The following NXPE2 variants were observed in gnomAD, a reference collection of about 807,000 sequenced individuals.
NXPE2 encodes the protein neurexophilin and PC-esterase domain family member 2, also known as NXPE family member 2.
In NXPE2, 34 loss-of-function variants were observed where a neutral mutation model predicts 34.4. That is an observed-to-expected ratio of 0.99 (90% confidence interval 0.75 to 1.31). The LOEUF (loss-of-function observed/expected upper bound fraction) is 1.31, where lower values mean the gene tolerates loss of function less well. Among genes scored for constraint, NXPE2 ranks in the 40% most tolerant of loss-of-function variants. The probability of loss-of-function intolerance (pLI) is 0.00; values close to 1 mark genes in which losing one functional copy is unlikely to be tolerated. For synonymous variants in NXPE2, 235 were observed against 231.3 expected (o/e 1.02, Z -0.15); for missense variants, 649 against 672.5 (o/e 0.97, Z 0.39).
At chr11:114,638,729 C>T in the NXPE2 span, among the ~76,000 whole-genome samples, 1 of 152,044 alleles carries the variant, frequency 6.6e-6, no homozygotes, top group Non-Finnish European at 1.5e-5. Context: ...TAGAAGTCTA[C>T]TCCAGACCCT....
At chr11:114,633,762 A>G in the NXPE2 span, among the ~76,000 whole-genome samples, 1 of 151,624 alleles carries the variant, frequency 6.6e-6, no homozygotes, top group Non-Finnish European at 1.5e-5. Flanking sequence ...ATGATTTCCA[A>G]TTTCATCCAT....
At chr11:114,611,088 A>T in the NXPE2 span, among the ~76,000 whole-genome samples, 1 of 151,528 alleles carries the variant, frequency 6.6e-6, no homozygotes, top group African/African-American at 2.4e-5. Context: ...GTGGATAATA[A>T]GTGTTGCCTC....
At chr11:114,488,732 A>G in the NXPE2 span, among the ~76,000 whole-genome samples, 2 of 152,224 alleles carry the variant, frequency 1.3e-5, no homozygotes, top group African/African-American at 4.8e-5. Flanking sequence ...AATTTATAGC[A>G]CTAAATGCCC....
the NXPE2 span, among the ~76,000 whole-genome samples, chr11:114,503,810 A>G: frequency 7.2e-3 from 1,090 of 152,342 alleles, 5 homozygotes; most frequent in Non-Finnish European, 0.012. Flanking sequence ...TGTATCCAAT[A>G]CAATAAATGA....
chr11:114,553,697 A>C, the NXPE2 span: 2 of 984,190 alleles, frequency 2.0e-6, no homozygotes, highest in African/African-American at 3.5e-5. Flanking sequence ...CCTAGATTCT[A>C]CTCCTTAGCT....
the NXPE2 span, among the ~76,000 whole-genome samples, chr11:114,651,595 A>G: frequency 3.3e-5 from 5 of 152,166 alleles, no homozygotes; most frequent in African/African-American, 1.2e-4. Flanking sequence ...CTCTGCCCAC[A>G]TCCTACTGAT....
the NXPE2 span, among the ~76,000 whole-genome samples, chr11:114,719,860 C>T: frequency 6.6e-6 from 1 of 152,182 alleles, no homozygotes; most frequent in African/African-American, 2.4e-5. Context: ...TCTCCTCCAT[C>T]AGTCTTTCTT....
the NXPE2 span, among the ~76,000 whole-genome samples, chr11:114,629,816 A>G: frequency 6.6e-6 from 1 of 151,098 alleles, no homozygotes; most frequent in African/African-American, 2.4e-5. Context: ...AAGCAACTTC[A>G]GCAAAGTCTC....
intron 5 of NXPE2, 95 bp from the exon 6 acceptor site, chr11:114,706,300 A>T (rs1951471358): frequency 9.3e-7 from 1 of 1,070,502 alleles, no homozygotes; most frequent in Admixed American, 2.9e-5. Flanking sequence ...CTTAGTTAGA[A>T]GTGATCTTGG....
chr11:114,701,458 A>G (rs1951363376), intron 3 of NXPE2, among the ~76,000 whole-genome samples: 1 of 152,144 alleles, frequency 6.6e-6, no homozygotes, highest in African/African-American at 2.4e-5. Context: ...CATGACAGTA[A>G]TCATGATAGT....
the NXPE2 span, among the ~76,000 whole-genome samples, chr11:114,789,270 G>A: frequency 4.6e-5 from 7 of 152,012 alleles, no homozygotes; most frequent in South Asian, 6.2e-4. Flanking sequence ...CTTGGTATAC[G>A]TATATTGAAA....
chr11:114,489,571 G>C, the NXPE2 span, among the ~76,000 whole-genome samples: 1 of 151,678 alleles, frequency 6.6e-6, no homozygotes, highest in African/African-American at 2.4e-5. Flanking sequence ...ATCAATAAAC[G>C]TAATCCAGCA....
the NXPE2 span, among the ~76,000 whole-genome samples, chr11:114,752,103 A>G: frequency 6.6e-6 from 1 of 152,248 alleles, no homozygotes; most frequent in Non-Finnish European, 1.5e-5. Context: ...TTGTTACAAG[A>G]ACAATAACAT....
At chr11:114,591,172 G>T in the NXPE2 span, among the ~76,000 whole-genome samples, 1 of 152,180 alleles carries the variant, frequency 6.6e-6, no homozygotes, top group Admixed American at 6.5e-5. Flanking sequence ...TATTGAAAGT[G>T]CACCTCTCTA....
At chr11:114,749,247 A>G in the NXPE2 span, among the ~76,000 whole-genome samples, 1 of 152,156 alleles carries the variant, frequency 6.6e-6, no homozygotes. Flanking sequence ...ATGCATATAT[A>G]TTTACATCTA....
chr11:114,522,241 A>C, the NXPE2 span: 3 of 1,614,114 alleles, frequency 1.9e-6, no homozygotes, highest in Non-Finnish European at 2.5e-6. Context: ...TAGCCTTTTG[A>C]ACACCGATGG....
chr11:114,656,750 TAA>T, the NXPE2 span, among the ~76,000 whole-genome samples: 1 of 152,138 alleles, frequency 6.6e-6, no homozygotes, highest in Admixed American at 6.6e-5. Flanking sequence ...GTAATATACT[TAA>T]TACAGTACTT....
chr11:114,523,721 A>G, the NXPE2 span, among the ~76,000 whole-genome samples: 12 of 152,174 alleles, frequency 7.9e-5, no homozygotes, highest in Admixed American at 3.3e-4. Flanking sequence ...TATTACAGGT[A>G]GGTAGCAGTG....
At chr11:114,712,295 A>G in the NXPE2 span, among the ~76,000 whole-genome samples, 1 of 152,330 alleles carries the variant, frequency 6.6e-6, no homozygotes, top group South Asian at 2.1e-4. Context: ...AACAAATGGG[A>G]CTACATCAAA....
Sources: allele counts gnomAD v4.1 joint callset (sites outside exome capture counted in the v4.1 genomes callset), GRCh38; gene constraint gnomAD v4.1.1; transcripts MANE v1.5; gene names NCBI Gene and HGNC (gene_info 2026-07-23, HGNC 2026-07-21).